The following SCNN1G variants were observed in gnomAD, a reference collection of about 807,000 sequenced individuals.
The protein encoded by SCNN1G is sodium channel epithelial 1 subunit gamma, also known as epithelial sodium channel subunit gamma.
In SCNN1G, 27 loss-of-function variants were observed where a neutral mutation model predicts 64.6. The ratio of observed to expected loss-of-function variants is 0.42; its 90% confidence interval spans 0.31 to 0.58. SCNN1G has a LOEUF of 0.58. Ranked by LOEUF, SCNN1G falls within the 20% of genes least tolerant of loss-of-function variation. SCNN1G has a pLI of 0.18. For missense variants in SCNN1G, 743 were observed against 823.4 expected (o/e 0.90, Z 1.19); for synonymous variants, 330 against 314.2 (o/e 1.05, Z -0.53).
chr16:23,215,600 A>T lies in SCNN1G; in HGVS notation c.*131A>T. On this transcript the variant is annotated 3_prime_UTR_variant, in exon 13 of 13. Transcript: ENST00000300061. ...GGCTTTTCAGATACTCTGACCAAAA[A>T]GCCTGCTTTAAACCGCAAGATGGGG... 2 of 1,173,258 alleles carry T rather than the reference A, an allele frequency of 1.7e-6. No homozygotes were observed. Among genetic ancestry groups the T allele is most frequent in the Non-Finnish European group, 2.5e-6 (2 of 810,232 alleles). 72.7% of individuals were successfully genotyped at this position (1,173,258 alleles called of 1,614,324 possible). A position where few individuals can be genotyped will look rare whatever the true frequency, so the allele number is the denominator to read the frequency against.
intron 7 of SCNN1G, 67 bp downstream of exon 7, chr16:23,209,915 T>A: frequency 8.5e-7 from 1 of 1,169,838 alleles, no homozygotes; most frequent in Non-Finnish European, 1.3e-6. Context: ...AAGTTATATC[T>A]AAGCTGGGGT....
At chr16:23,194,042 T>G (rs1959754800) in intron 4 of SCNN1G, 129 bp from the exon 5 acceptor site, 2 of 729,504 alleles carry the variant, frequency 2.7e-6, no homozygotes, top group South Asian at 2.9e-5. Flanking sequence ...AGGAGCAAGA[T>G]GGGGAAAATG....
intron 6 of SCNN1G, among the ~76,000 whole-genome samples, chr16:23,201,963 C>T (rs1959896659): frequency 6.6e-6 from 1 of 152,098 alleles, no homozygotes; most frequent in African/African-American, 2.4e-5. Flanking sequence ...ACCATAGGCA[C>T]ATGCCACCAT....
At position 23,209,795 on chromosome 16, in the gene SCNN1G, G is replaced by C. The variant is rs934912751; in HGVS notation, c.1123G>C (p.Asp375His). 1 of 1,614,008 alleles carries C rather than the reference G, an allele frequency of 6.2e-7. No individual in the cohort carries two copies. The highest frequency in any genetic ancestry group is 8.5e-7 in the Non-Finnish European group (1 of 1,179,988). The change falls in exon 7 of 13, where the codon GAC (aspartate) becomes CAC (histidine). Residue 375 changes from aspartate to histidine, a missense_variant. Coordinates refer to ENST00000300061, the MANE Select transcript of SCNN1G (RefSeq NM_001039.4). The stretch of plus-strand genomic sequence containing the variant: ...TGAGCCCTACAGTCAGTGCACGGAG[G>C]ACGGGAGTGACGTGCCAATCAGGAA... ...LSEPYSQCTE[D>H]GSDVPIRNIY...
intron 6 of SCNN1G, among the ~76,000 whole-genome samples, chr16:23,204,308 T>TATATATAC (rs1959944246): frequency 7.1e-5 from 5 of 70,756 alleles, no homozygotes; most frequent in African/African-American, 2.7e-4. Flanking sequence ...TATATATATA[T>TATATATAC]ATATATATAT....
At chr16:23,199,898 C>G (rs887619034) in intron 6 of SCNN1G, among the ~76,000 whole-genome samples, 1 of 151,952 alleles carries the variant, frequency 6.6e-6, no homozygotes, top group Non-Finnish European at 1.5e-5. Flanking sequence ...GTCTCGATCT[C>G]CTGACCTTGT....
At chr16:23,212,222 C>A in intron 8 of SCNN1G, 71 bp downstream of exon 8, 1 of 950,928 alleles carries the variant, frequency 1.1e-6, no homozygotes, top group Non-Finnish European at 1.7e-6. Context: ...AATAGGCACT[C>A]CTGGGACTCC....
chr16:23,215,521 A>AC lies in SCNN1G; in HGVS notation c.*53dup. On this transcript the variant is annotated 3_prime_UTR_variant, in exon 13 of 13. Transcript: ENST00000300061. ...CAGGACCACCAGCCATGGTCTAAGG[A>AC]CATGGATCGGGTGCCCCCAGACGTG... 1 of 1,595,184 alleles carries AC rather than the reference A, an allele frequency of 6.3e-7. No homozygotes were observed. Among genetic ancestry groups the AC allele is most frequent in the Non-Finnish European group, 8.5e-7 (1 of 1,175,166 alleles).
At chr16:23,204,149 C>A (rs1959938163) in intron 6 of SCNN1G, among the ~76,000 whole-genome samples, 1 of 150,256 alleles carries the variant, frequency 6.7e-6, no homozygotes, top group Non-Finnish European at 1.5e-5. Flanking sequence ...CGTGGTGGCA[C>A]ACACCTGTAG....
chr16:23,197,072 G>C (rs1054866516), intron 5 of SCNN1G, among the ~76,000 whole-genome samples, 192 bp from the exon 6 acceptor site: 2 of 152,220 alleles, frequency 1.3e-5, no homozygotes, highest in African/African-American at 2.4e-5. Flanking sequence ...CTAAGCTGTG[G>C]GGGCACAGCA....
chr16:23,212,251 G>C, intron 8 of SCNN1G, 100 bp downstream of exon 8: 2 of 795,798 alleles, frequency 2.5e-6, no homozygotes, highest in Non-Finnish European at 4.5e-6. Flanking sequence ...TGCCTTTTGC[G>C]TGAGGGAGGT....
chr16:23,190,831 A>ATTTTTTTTTT (rs896029487), intron 3 of SCNN1G, among the ~76,000 whole-genome samples: 4 of 56,230 alleles, frequency 7.1e-5, no homozygotes, highest in Non-Finnish European at 1.3e-4. Context: ...ATTTGAGGGG[A>ATTTTTTTTTT]TTTTTTTTTT....
intron 6 of SCNN1G, among the ~76,000 whole-genome samples, chr16:23,207,653 T>C (rs1001898444): frequency 6.6e-6 from 1 of 152,220 alleles, no homozygotes; most frequent in South Asian, 2.1e-4. Context: ...GATCTGCTAG[T>C]GCGGGCACCC....
intron 2 of SCNN1G, among the ~76,000 whole-genome samples, chr16:23,188,420 G>A (rs780322064): frequency 1.3e-5 from 2 of 152,164 alleles, no homozygotes; most frequent in African/African-American, 4.8e-5. Flanking sequence ...GCTGAAGTGG[G>A]AGGATTGCTT....
Position 23,186,549 on chromosome 16 carries a change from A to AT in SCNN1G, c.282dup (p.Pro95SerfsTer22). ...ATCAAAGTCCACTTCCGGAAGCTGG[A>AT]TTTTCCTGCAGTCACCATCTGCAAC... On this transcript the variant is annotated frameshift_variant, in exon 2 of 13. Transcript: ENST00000300061. LOFTEE classifies it high-confidence loss of function. 1 of 1,613,508 alleles carries AT rather than the reference A, an allele frequency of 6.2e-7. No homozygotes were observed. The highest frequency in any genetic ancestry group is 1.3e-5 in the African/African-American group (1 of 74,976).
Position 23,189,466 on chromosome 16 carries a change from G to A in SCNN1G, c.413G>A (p.Arg138Gln), listed in dbSNP as rs267604464. ...GGCTTTCCAGAGTCCCGGAAGCGCC[G>A]AGAGGCGGAGTCCTGGAACTCCGTC... Reference protein sequence around the residue: ...LYGFPESRKRREAESWNSVSE... With the variant: ...LYGFPESRKRQEAESWNSVSE... Residue 138 changes from arginine (R) to glutamine (Q), a missense_variant, in exon 3 of 13, where the codon CGA (arginine) becomes CAA (glutamine). Arg to Gln is a conservative substitution (Grantham distance 43). Transcript: ENST00000300061. 5.0e-6 allele frequency: 8 copies of A among 1,614,038 alleles called. No homozygotes were observed. The highest frequency in any genetic ancestry group is 1.7e-5 in the Admixed American group (1 of 60,002).
At chr16:23,208,611 C>T (rs981001172) in intron 6 of SCNN1G, among the ~76,000 whole-genome samples, 14 of 147,466 alleles carry the variant, frequency 9.5e-5, no homozygotes, top group African/African-American at 3.5e-4. Flanking sequence ...CCTTCCCCTC[C>T]CCTCCCCTCC....
At chr16:23,198,451 C>A (rs1409376624) in intron 6 of SCNN1G, among the ~76,000 whole-genome samples, 1 of 152,220 alleles carries the variant, frequency 6.6e-6, no homozygotes, top group Non-Finnish European at 1.5e-5. Flanking sequence ...CTTATTTAGA[C>A]CGGGCACAGT....
chr16:23,185,446 C>T (rs1959590889), intron 1 of SCNN1G, among the ~76,000 whole-genome samples: 1 of 152,064 alleles, frequency 6.6e-6, no homozygotes, highest in South Asian at 2.1e-4. Context: ...ATTTGCCTTC[C>T]AATACTGGTA....
Sources: allele counts gnomAD v4.1 joint callset (sites outside exome capture counted in the v4.1 genomes callset), GRCh38; gene constraint gnomAD v4.1.1; transcripts MANE v1.5; gene names NCBI Gene and HGNC (gene_info 2026-07-23, HGNC 2026-07-21).